Variants in MYBL1 observed in about 807,000 individuals in gnomAD.
The protein encoded by MYBL1 is MYB proto-oncogene like 1, also known as myb-related protein A.
In MYBL1, 17 loss-of-function variants were observed where a neutral mutation model predicts 96.3. The ratio of observed to expected loss-of-function variants is 0.18; its 90% CI spans 0.12 to 0.26. The LOEUF is 0.26. Among genes scored for constraint, MYBL1 ranks in the 10% least tolerant of loss-of-function variants. The probability of loss-of-function intolerance (pLI) is 1.00; values close to 1 mark genes in which losing one functional copy is unlikely to be tolerated. For missense variants in MYBL1, 701 were observed against 882.9 expected (o/e 0.79, Z 2.61); for synonymous variants, 282 against 292.7 (o/e 0.96, Z 0.37).
intron 4 of MYBL1, 126 bp downstream of exon 4, chr8:66,598,924 G>C: frequency 2.0e-6 from 1 of 490,820 alleles, no homozygotes; most frequent in Admixed American, 4.4e-5. Flanking sequence ...CAATTCTTAT[G>C]CAAGTAGCCT....
chr8:66,575,911 G>A, intron 10 of MYBL1, 96 bp downstream of exon 10: 1 of 1,265,262 alleles, frequency 7.9e-7, no homozygotes, highest in Non-Finnish European at 1.1e-6. Context: ...ATTTTTATAT[G>A]TTATCAAAGC....
chr8:66,585,088 A>AAAACAAAC (rs148029809), intron 8 of MYBL1, among the ~76,000 whole-genome samples: 1 of 152,022 alleles, frequency 6.6e-6, no homozygotes, highest in African/African-American at 2.4e-5. Context: ...CCTGAGCAAA[A>AAAACAAAC]AAACAAACAA....
intron 9 of MYBL1, among the ~76,000 whole-genome samples, chr8:66,578,871 A>C (rs1016370651): frequency 6.6e-6 from 1 of 152,218 alleles, no homozygotes; most frequent in African/African-American, 2.4e-5. Context: ...AAAATGTGGC[A>C]CATATATACC....
intron 4 of MYBL1, 117 bp from the exon 5 acceptor site, chr8:66,597,667 T>TAA: frequency 4.6e-6 from 3 of 659,048 alleles, no homozygotes; most frequent in Non-Finnish European, 7.4e-6. Flanking sequence ...TACAATTTGT[T>TAA]AAAAAAAAAT....
intron 8 of MYBL1, among the ~76,000 whole-genome samples, chr8:66,587,006 T>C (rs923558177): frequency 6.6e-6 from 1 of 151,926 alleles, no homozygotes; most frequent in Non-Finnish European, 1.5e-5. Flanking sequence ...CATAGAAGTA[T>C]AGAGAAGAAT....
intron 12 of MYBL1, 90 bp from the exon 13 acceptor site, chr8:66,567,082 C>T (rs907049917): frequency 1.1e-5 from 8 of 755,662 alleles, no homozygotes; most frequent in Middle Eastern, 6.3e-4. Context: ...TATACTTGTC[C>T]ATTATTGTCA....
At position 66,612,582 on chromosome 8, in the gene MYBL1, A is replaced by C. The variant is rs1586611374; in HGVS notation, c.20+237T>G. ...AAATCTGGACGCGCATTACGGGGAGAGTCACCGAGAAACCTGGGCATCTCT... is the reference window on the plus strand; with the variant it reads ...AAATCTGGACGCGCATTACGGGGAGCGTCACCGAGAAACCTGGGCATCTCT... On this transcript the variant is annotated intron_variant, in intron 1 of 15. Coordinates refer to ENST00000522677, the MANE Select transcript of MYBL1 (RefSeq NM_001080416.4). 9.8e-6 allele frequency: 4 copies of C among 407,242 alleles called. No individual in the cohort carries two copies. The South Asian group carries it at 5.6e-4, about 57-fold the overall frequency. The allele number at this position is 407,242 out of a possible 1,614,324, so 25.2% of individuals were successfully genotyped here. A position where few individuals can be genotyped will look rare whatever the true frequency, so the allele number is the denominator to read the frequency against.
At position 66,599,097 on chromosome 8, in the gene MYBL1, T is replaced by C; in HGVS notation, c.244A>G (p.Asn82Asp). ...QCQHRWQKVL[N>D]PELIKGPWTK... The stretch of plus-strand genomic sequence containing the variant: ...CAAGGACCCTTTATCAATTCAGGAT[T>C]TAAAACTTTCTGCCATCGATGCTGG... Residue 82 changes from asparagine (N) to aspartate (D), a missense_variant, in exon 4 of 16, where the codon AAT becomes GAT. Coordinates refer to ENST00000522677, the MANE Select transcript of MYBL1 (RefSeq NM_001080416.4). 6.2e-7 allele frequency: 1 copy of C among 1,602,310 alleles called. No individual in the cohort carries two copies. Among genetic ancestry groups the C allele is most frequent in the Non-Finnish European group, 8.5e-7 (1 of 1,175,278 alleles).
chr8:66,580,607 A>G (rs1489645927), intron 8 of MYBL1, among the ~76,000 whole-genome samples: 1 of 152,208 alleles, frequency 6.6e-6, no homozygotes, highest in Non-Finnish European at 1.5e-5. Flanking sequence ...CATAAAGTCC[A>G]AACTCTTAGA....
At chr8:66,600,000 C>A (rs1810006240) in intron 3 of MYBL1, among the ~76,000 whole-genome samples, 1 of 152,092 alleles carries the variant, frequency 6.6e-6, no homozygotes, top group Non-Finnish European at 1.5e-5. Flanking sequence ...TGTTACATTT[C>A]AATTAAATTG....
intron 3 of MYBL1, among the ~76,000 whole-genome samples, chr8:66,600,543 C>G (rs1253640571): frequency 6.6e-6 from 1 of 152,026 alleles, no homozygotes; most frequent in Non-Finnish European, 1.5e-5. Flanking sequence ...AAGAATTGTG[C>G]CAAACATCCT....
At chr8:66,602,550 T>C (rs1321749927) in intron 1 of MYBL1, 27 bp from the exon 2 acceptor site, 17 of 1,508,398 alleles carry the variant, frequency 1.1e-5, no homozygotes, top group Non-Finnish European at 1.5e-5. Context: ...ATTTGTGATA[T>C]CAAGAATTTT....
intron 5 of MYBL1, among the ~76,000 whole-genome samples, chr8:66,596,480 A>G (rs1809853786): frequency 6.6e-6 from 1 of 152,218 alleles, no homozygotes; most frequent in Non-Finnish European, 1.5e-5. Context: ...GCTAGGTTCT[A>G]TGAAAAGTAA....
chr8:66,592,977 CT>C, intron 7 of MYBL1, 142 bp downstream of exon 7: 1 of 546,638 alleles, frequency 1.8e-6, no homozygotes, highest in Admixed American at 3.4e-5. Flanking sequence ...TACACACTTT[CT>C]TCTTTATAGT....
intron 1 of MYBL1, among the ~76,000 whole-genome samples, chr8:66,604,924 T>C (rs1334399354): frequency 1.3e-5 from 2 of 152,110 alleles, no homozygotes; most frequent in African/African-American, 2.4e-5. Context: ...GGAGAGTATG[T>C]ATAGTTTGGG....
At chr8:66,610,024 T>A (rs989049072) in intron 1 of MYBL1, among the ~76,000 whole-genome samples, 1 of 152,032 alleles carries the variant, frequency 6.6e-6, no homozygotes, top group African/African-American at 2.4e-5. Flanking sequence ...CTGGCTTTTA[T>A]CTTTTCAGGT....
At chr8:66,571,425 A>G (rs564272195) in intron 12 of MYBL1, among the ~76,000 whole-genome samples, 29 of 152,218 alleles carry the variant, frequency 1.9e-4, no homozygotes, top group Non-Finnish European at 3.4e-4. Flanking sequence ...TTGCATAGAA[A>G]AGGAAACTGA....
At chr8:66,601,057 A>C (rs1301943127) in intron 3 of MYBL1, among the ~76,000 whole-genome samples, 1 of 151,646 alleles carries the variant, frequency 6.6e-6, no homozygotes, top group Non-Finnish European at 1.5e-5. Flanking sequence ...CATGCCTGTA[A>C]TCCCAGCTAC....
rs545668713 is a variant in MYBL1 at position 66,575,263 on chromosome 8, A to C, written c.1470+744T>G. ...GTTTCTTCCAAAGAACATTAAAAGG[A>C]AAAACCTCAGTGGGCAAACTAAACA... On this transcript the variant is annotated intron_variant, in intron 10 of 15. Transcript: ENST00000522677. Among the ~76,000 whole-genome samples, 7 of 144,844 alleles carry C rather than the reference A, an allele frequency of 4.8e-5. No homozygotes were observed. In the East Asian group the frequency reaches 1.2e-3, roughly 24 times the overall value.
Sources: gnomAD v4.1 joint callset for allele counts (sites outside exome capture counted in the v4.1 genomes callset) on GRCh38, gnomAD v4.1.1 for gene constraint, MANE v1.5 for transcripts, NCBI Gene and HGNC (gene_info 2026-07-23, HGNC 2026-07-21) for gene names.